HHIPL1: variants seen among roughly 807,000 people sequenced by gnomAD.
HHIPL1 encodes the protein HHIP-like protein 1.
HHIPL1 carries 43 observed loss-of-function variants against 61.8 expected under a neutral mutation model. That is an observed-to-expected ratio of 0.70 (90% CI 0.55 to 0.90). The LOEUF is 0.90. HHIPL1 is among the 40% of genes least tolerant of loss of function. The pLI, the probability that HHIPL1 is intolerant of heterozygous loss-of-function variation, is 0.00. For missense variants in HHIPL1, 1,056 were observed against 1,157.7 expected (o/e 0.91, Z 1.28); for synonymous variants, 482 against 515.8 (o/e 0.93, Z 0.89).
chr14:99,611,293 ATT>A, the HHIPL1 span, among the ~76,000 whole-genome samples: 2,041 of 127,298 alleles, frequency 0.016, 23 homozygotes, highest in African/African-American at 0.041. Context: ...ACCACCTGTA[ATT>A]TTTTTTTTTT....
chr14:99,675,622 T>A lies in HHIPL1; in HGVS notation c.2345T>A (p.Leu782Gln), dbSNP rs1323454749. The change falls in exon 9 of 9, where the codon CTG becomes CAG. Residue 782 changes from leucine (L) to glutamine (Q), a missense_variant. By Grantham distance (113) the Leu-to-Gln change is moderately radical (BLOSUM62 -2). Transcript: ENST00000330710. This position sits in a 1 kb window ranked among gnomAD's most constrained non-coding sequence, Gnocchi z 5.4. ...GTGTGCAGCCACCAGAACCCCGACC[T>A]GTAGGCAACACGCCGCTGCCCCAGG... The part of the protein sequence containing the change: ...GVVCSHQNPD[L>Q] The A allele has an allele frequency of 2.0e-6, 3 of 1,514,710 alleles. No individual in the cohort carries two copies. The highest frequency in any genetic ancestry group is 2.7e-6 in the Non-Finnish European group (3 of 1,131,922). 93.8% of individuals were successfully genotyped at this position (1,514,710 alleles called of 1,614,324 possible).
chr14:99,607,665 G>T, the HHIPL1 span, among the ~76,000 whole-genome samples: 7 of 152,116 alleles, frequency 4.6e-5, no homozygotes, highest in Non-Finnish European at 1.0e-4. Context: ...AGGGGGAATG[G>T]ACTTTCTTAC....
intron 6 of HHIPL1, among the ~76,000 whole-genome samples, chr14:99,665,155 G>C (rs981223152): frequency 4.6e-5 from 7 of 152,096 alleles, no homozygotes; most frequent in Admixed American, 6.5e-5. Context: ...TCGAACCCCT[G>C]ACCTCAGGTG....
chr14:99,612,603 T>C, the HHIPL1 span, among the ~76,000 whole-genome samples: 1 of 152,178 alleles, frequency 6.6e-6, no homozygotes, highest in Non-Finnish European at 1.5e-5. Flanking sequence ...CCCAGACACA[T>C]GGTCTTTCTT....
In HHIPL1 at chr14:99,675,025, G is replaced by T; in HGVS notation, c.1814-66G>T. 2 of 895,552 alleles carry T rather than the reference G, an allele frequency of 2.2e-6. No individual in the cohort carries two copies. The highest frequency in any genetic ancestry group is 8.7e-5 in the South Asian group (2 of 22,940). The allele number at this position is 895,552 out of a possible 1,614,324, so 55.5% of individuals were successfully genotyped here. A position where few individuals can be genotyped will look rare whatever the true frequency, so the allele number is the denominator to read the frequency against. On this transcript the variant is annotated intron_variant, in intron 8 of 8. Transcript: ENST00000330710. This position sits in a 1 kb window ranked among gnomAD's most constrained non-coding sequence, Gnocchi z 5.4. ...TCCGCACAGGTTGCAGGGCAGCACAGGGTGGGCAGCAGGGCTGGACAGGGG... is the reference window on the plus strand; with the variant it reads ...TCCGCACAGGTTGCAGGGCAGCACATGGTGGGCAGCAGGGCTGGACAGGGG...
chr14:99,649,313 A>G (rs1271134023), intron 1 of HHIPL1, among the ~76,000 whole-genome samples: 1 of 151,968 alleles, frequency 6.6e-6, no homozygotes, highest in East Asian at 1.9e-4. Flanking sequence ...TCTGCCCCTC[A>G]CTGCGTCTCT....
the HHIPL1 span, among the ~76,000 whole-genome samples, chr14:99,621,433 T>G: frequency 1.3e-5 from 2 of 152,218 alleles, no homozygotes; most frequent in African/African-American, 4.8e-5. Context: ...TTGAGGCAGC[T>G]GGGATGCCTG....
At position 99,652,553 on chromosome 14, in the gene HHIPL1, C is replaced by T; in HGVS notation, c.585C>T (p.Asn195=). The change falls in exon 2 of 9, where the codon AAC becomes AAT. Residue 195 remains asparagine, a synonymous_variant. Coordinates refer to ENST00000330710, the MANE Select transcript of HHIPL1 (RefSeq NM_001127258.3). ...CLEEVANGLR[N]PVAMVHARDG... is the part of the protein sequence containing the mutation. ...AGGAGGTGGCCAACGGGCTGCGCAA[C>T]CCCGTGGCCATGGTCCATGCCAGGG... 6.2e-7 allele frequency: 1 copy of T among 1,613,084 alleles called. No homozygotes were observed.
chr14:99,663,018 G>A lies in HHIPL1; in HGVS notation c.1645G>A (p.Ala549Thr), dbSNP rs760011026. The A allele has an allele frequency of 3.6e-5, 58 of 1,603,388 alleles. 1 individual carries two copies. The Admixed American group carries it at 9.5e-4, about 26-fold the overall frequency. The change falls in exon 6 of 9, where the codon GCC (alanine) becomes ACC (threonine). Residue 549 changes from alanine to threonine, a missense_variant. Ala to Thr is a moderately conservative substitution (Grantham distance 58, BLOSUM62 0). Transcript: ENST00000330710. ...PYIISFGEDEAGELYFMSTGE... is the reference protein window; with the variant it reads ...PYIISFGEDETGELYFMSTGE... Reference sequence around the variant, plus strand: ...CATCATCTCCTTCGGGGAGGACGAGGCCGGTGAGCACTCCTGAGACCTCTC... The same window carrying A: ...CATCATCTCCTTCGGGGAGGACGAGACCGGTGAGCACTCCTGAGACCTCTC...
intron 1 of HHIPL1, among the ~76,000 whole-genome samples, chr14:99,651,465 G>A (rs968087078): frequency 2.0e-5 from 3 of 152,180 alleles, no homozygotes; most frequent in Non-Finnish European, 2.9e-5. Context: ...GAGAGAGATG[G>A]TGTGGGGGCA....
Position 99,668,718 on chromosome 14 carries a change from G to C in HHIPL1, c.1730+415G>C. On this transcript the variant is annotated intron_variant, in intron 7 of 8. Coordinates refer to ENST00000330710, the MANE Select transcript of HHIPL1 (RefSeq NM_001127258.3). This position sits in a 1 kb window ranked among gnomAD's most constrained non-coding sequence, Gnocchi z 4.7. The stretch of plus-strand genomic sequence containing the variant: ...TGTGATGCCTCCCAGATGACACCCT[G>C]ATCCCTGTGTGTCCCCGCCCCGTGC... The C allele has an allele frequency of 2.2e-6, 2 of 920,430 alleles. No homozygotes were observed. Among genetic ancestry groups the C allele is most frequent in the Non-Finnish European group, 3.0e-6 (2 of 660,446 alleles). The allele number at this position is 920,430 out of a possible 1,614,324, so 57.0% of individuals were successfully genotyped here.
the HHIPL1 span, among the ~76,000 whole-genome samples, chr14:99,613,945 A>AGCATAGAG: frequency 6.6e-6 from 1 of 152,108 alleles, no homozygotes; most frequent in Non-Finnish European, 1.5e-5. Flanking sequence ...TAAAATTCCT[A>AGCATAGAG]GCATAGAGCC....
At chr14:99,636,015 A>G in the HHIPL1 span, among the ~76,000 whole-genome samples, 1 of 151,886 alleles carries the variant, frequency 6.6e-6, no homozygotes, top group Non-Finnish European at 1.5e-5. Flanking sequence ...CACCAACTCC[A>G]CTTGTGGCTT....
At chr14:99,674,427 G>T (rs1344169168) in intron 8 of HHIPL1, among the ~76,000 whole-genome samples, 2 of 152,086 alleles carry the variant, frequency 1.3e-5, no homozygotes, top group African/African-American at 2.4e-5. Flanking sequence ...CTCTGTGGTG[G>T]GGTATAGGGG....
chr14:99,643,424 G>A (rs962033318), upstream of HHIPL1, among the ~76,000 whole-genome samples: 6 of 152,100 alleles, frequency 3.9e-5, no homozygotes, highest in African/African-American at 1.2e-4. Flanking sequence ...AACAGAAACC[G>A]AGGTAAATAG....
the HHIPL1 span, among the ~76,000 whole-genome samples, chr14:99,636,110 G>A: frequency 2.6e-5 from 4 of 152,138 alleles, no homozygotes; most frequent in African/African-American, 9.7e-5. Flanking sequence ...ATGACTAGCT[G>A]TTGTCACCTC....
rs774931193 is a variant in HHIPL1 at position 99,652,250 on chromosome 14, C to A, written c.282C>A (p.Leu94=). The A allele has an allele frequency of 5.0e-6, 8 of 1,609,654 alleles. No individual in the cohort carries two copies. The East Asian group carries it at 1.8e-4, about 36-fold the overall frequency. ...AATGCTCGCCGTATGCAGCCCACCT[C>A]TATGACGCCGAGGACCCATTCACGC... ...CQECSPYAAH[L]YDAEDPFTPL... Residue 94 remains leucine (L), a synonymous_variant, in exon 2 of 9, where the codon CTC becomes CTA. Coordinates refer to ENST00000330710, the MANE Select transcript of HHIPL1 (RefSeq NM_001127258.3).
intron 1 of HHIPL1, among the ~76,000 whole-genome samples, chr14:99,647,724 C>T (rs149080701): frequency 1.3e-5 from 2 of 152,316 alleles, no homozygotes; most frequent in East Asian, 3.9e-4. Context: ...GCATTTGGCA[C>T]CTCCTGATTT....
chr14:99,624,086 T>A, the HHIPL1 span, among the ~76,000 whole-genome samples: 1 of 152,138 alleles, frequency 6.6e-6, no homozygotes, highest in Non-Finnish European at 1.5e-5. Flanking sequence ...GAGCTACTCA[T>A]CCCTTCAGGT....
Sources: gnomAD v4.1 joint callset for allele counts (sites outside exome capture counted in the v4.1 genomes callset) on GRCh38, gnomAD v4.1.1 for gene constraint, Gnocchi (gnomAD v3.1) non-coding constraint, MANE v1.5 for transcripts, NCBI Gene and HGNC (gene_info 2026-07-23, HGNC 2026-07-21) for gene names.